WDR3: variants seen among roughly 807,000 people sequenced by gnomAD.
WDR3 encodes the protein WD repeat domain 3.
A neutral mutation model predicts 123.7 loss-of-function variants in WDR3; 81 were observed. That is an observed-to-expected ratio of 0.65 (90% CI 0.55 to 0.79). The LOEUF is 0.79. Ranked by LOEUF, WDR3 falls within the 30% of genes least tolerant of loss-of-function variation. The probability of loss-of-function intolerance (pLI) is 0.00; values close to 1 mark genes in which losing one functional copy is unlikely to be tolerated. For synonymous variants in WDR3, 390 were observed against 388.8 expected, an observed-to-expected ratio of 1.00 and a Z score of -0.04; for missense variants, 1,027 against 1,123.2, an observed-to-expected ratio of 0.91 and a Z score of 1.22.
chr1:117,949,964 T>G (rs41276602), intron 14 of WDR3, 31 bp from the exon 15 acceptor site: 34,483 of 1,613,402 alleles, frequency 0.021, 456 homozygotes, highest in Non-Finnish European at 0.026. Context: ...TATACTCATT[T>G]ATTTTTTCTT....
At chr1:117,939,707 TAAA>T in intron 6 of WDR3, 135 bp downstream of exon 6, 2 of 825,338 alleles carry the variant, frequency 2.4e-6, no homozygotes, top group Non-Finnish European at 3.8e-6. Context: ...CTGCAACACT[TAAA>T]AAAGCTTTTC....
At chr1:117,941,919 GCTT>G in intron 9 of WDR3, 72 bp downstream of exon 9, 1 of 1,476,752 alleles carries the variant, frequency 6.8e-7, no homozygotes, top group Non-Finnish European at 8.9e-7. Context: ...AAAAAAACTG[GCTT>G]CTTTCATATT....
At position 117,966,535 on chromosome 1, in the gene WDR3, T is replaced by G. The variant is rs1313561203; in HGVS notation, c.*7088T>G. ...GAATTAATAAAGTAGAGATGCATTT[T>G]GACTTCCATGTTTTCCTCACTCGTG... On this transcript the variant is annotated 3_prime_UTR_variant, in exon 27 of 27. Coordinates refer to ENST00000349139, the MANE Select transcript of WDR3 (RefSeq NM_006784.3). 1.5e-6 allele frequency: 2 copies of G among 1,323,804 alleles called. No homozygotes were observed. Among genetic ancestry groups the G allele is most frequent in the Non-Finnish European group, 2.0e-6 (2 of 991,318 alleles). The allele number at this position is 1,323,804 out of a possible 1,614,324, so 82.0% of individuals were successfully genotyped here. A position where few individuals can be genotyped will look rare whatever the true frequency, so the allele number is the denominator to read the frequency against.
intron 10 of WDR3, 128 bp downstream of exon 10, chr1:117,942,672 T>C (rs1476055876): frequency 1.3e-6 from 1 of 761,854 alleles, no homozygotes; most frequent in Non-Finnish European, 2.1e-6. Flanking sequence ...GAGACATCTG[T>C]GTCACACTCT....
chr1:117,947,346 C>T (rs1159431280), intron 12 of WDR3, among the ~76,000 whole-genome samples: 1 of 152,108 alleles, frequency 6.6e-6, no homozygotes, highest in East Asian at 1.9e-4. Flanking sequence ...AAAACAAAGC[C>T]ATATGTACAT....
Position 117,933,314 on chromosome 1 carries a change from C to G in WDR3, c.-6C>G. The G allele has an allele frequency of 6.2e-7, 1 of 1,613,782 alleles. No individual in the cohort carries two copies. The highest frequency in any genetic ancestry group is 8.5e-7 in the Non-Finnish European group (1 of 1,179,776). ...TTGCTTCACCTGTGGTATCAGACAT[C>G]ACAACATGGGGCTCACCAAGCAGTA... On this transcript the variant is annotated 5_prime_UTR_variant, in exon 2 of 27. In the 5' UTR this introduces an upstream ATG that the reference lacks. Transcript: ENST00000349139.
chr1:117,940,933 C>T lies in WDR3; in HGVS notation c.782C>T (p.Pro261Leu). Residue 261 changes from proline (P) to leucine (L), a missense_variant, in exon 7 of 27, where the codon CCT becomes CTT. Physicochemically the swap from Pro to Leu is moderately conservative, Grantham distance 98 (BLOSUM62 -3). Coordinates refer to ENST00000349139, the MANE Select transcript of WDR3 (RefSeq NM_006784.3). ...GGTGCCTTTGAGACGGATGAAGCCCCTGAGGATGTAATTCATTTTCATTTC... is the reference window on the plus strand; with the variant it reads ...GGTGCCTTTGAGACGGATGAAGCCCTTGAGGATGTAATTCATTTTCATTTC... ...EDGAFETDEA[P>L]EDRILSCRKA... The T allele has an allele frequency of 6.2e-7, 1 of 1,608,568 alleles. No individual in the cohort carries two copies.
At chr1:117,950,268 AT>A in intron 15 of WDR3, 138 bp downstream of exon 15, 2 of 1,071,106 alleles carry the variant, frequency 1.9e-6, no homozygotes, top group Non-Finnish European at 1.3e-6. Flanking sequence ...AATCAAAGCA[AT>A]GTAACTATGC....
chr1:117,951,771 C>T (rs2101220894), intron 16 of WDR3, among the ~76,000 whole-genome samples: 1 of 152,252 alleles, frequency 6.6e-6, no homozygotes, highest in South Asian at 2.1e-4. Context: ...ATTTAAGCCA[C>T]AGAGTTCGTG....
At chr1:117,957,948 A>G (rs1036787981) in intron 25 of WDR3, among the ~76,000 whole-genome samples, 1 of 152,242 alleles carries the variant, frequency 6.6e-6, no homozygotes, top group Admixed American at 6.5e-5. Flanking sequence ...TAAAGCAAAT[A>G]TGTTCATTAG....
chr1:117,959,016 G>T lies in WDR3; in HGVS notation c.2676+13G>T, dbSNP rs773476124. The T allele has an allele frequency of 1.2e-6, 2 of 1,612,102 alleles. No homozygotes were observed. Among genetic ancestry groups the T allele is most frequent in the African/African-American group, 2.7e-5 (2 of 74,974 alleles). On this transcript the variant is annotated intron_variant, in intron 26 of 26. Coordinates refer to ENST00000349139, the MANE Select transcript of WDR3 (RefSeq NM_006784.3). ...CAGCCAAGTCCGGGTAAGTGTCTTT[G>T]TATAGAGATAAAATAATGAGGCAAA...
At chr1:117,952,429 C>A in intron 18 of WDR3, 21 bp downstream of exon 18, 1 of 1,606,610 alleles carries the variant, frequency 6.2e-7, no homozygotes, top group South Asian at 1.1e-5. Context: ...GCCTTCTGTG[C>A]TTGCTTGGTA....
At chr1:117,950,281 A>G in intron 15 of WDR3, 151 bp downstream of exon 15, 3 of 997,428 alleles carry the variant, frequency 3.0e-6, no homozygotes, top group Non-Finnish European at 4.3e-6. Context: ...TAACTATGCT[A>G]GGGAAGCTAG....
At chr1:117,937,831 G>A (rs1052560590) in intron 4 of WDR3, among the ~76,000 whole-genome samples, 2 of 152,088 alleles carry the variant, frequency 1.3e-5, no homozygotes, top group Non-Finnish European at 2.9e-5. Context: ...AGGGGGTTAA[G>A]AACAAATAAA....
chr1:117,940,066 G>T (rs1337337416), intron 6 of WDR3, among the ~76,000 whole-genome samples: 2 of 152,146 alleles, frequency 1.3e-5, no homozygotes, highest in Non-Finnish European at 2.9e-5. Context: ...TAGGCTAGGG[G>T]TTATCTTTTC....
At chr1:117,953,404 G>A in intron 20 of WDR3, 72 bp from the exon 21 acceptor site, 6 of 1,439,820 alleles carry the variant, frequency 4.2e-6, no homozygotes, top group Non-Finnish European at 4.9e-6. Context: ...TCATATGGAT[G>A]TAAGATTAAT....
rs1650958280 is a variant in WDR3, at chr1:117,936,811, CT to C, written c.425del (p.Leu142ArgfsTer4). ...ATGGGATGTGATCAATGAAAGTGGT[CT>C]GTACCGTCTAAAGGGGCACAAGGAT... The part of the protein sequence containing the change: ...IVWDVINESG[L>X]YRLKGHKDAI... On this transcript the variant is annotated frameshift_variant, in exon 4 of 27. Coordinates refer to ENST00000349139, the MANE Select transcript of WDR3 (RefSeq NM_006784.3). LOFTEE classifies it high-confidence loss of function. 6.2e-7 allele frequency: 1 copy of C among 1,613,148 alleles called. No homozygotes were observed. The highest frequency in any genetic ancestry group is 1.3e-5 in the African/African-American group (1 of 74,884).
chr1:117,947,005 C>T (rs1243532299), intron 12 of WDR3, among the ~76,000 whole-genome samples: 3 of 151,560 alleles, frequency 2.0e-5, no homozygotes, highest in African/African-American at 4.8e-5. Flanking sequence ...TAGTGTGTTC[C>T]TTTATATTAT....
In WDR3 at chr1:117,961,471, C is replaced by T. The variant is rs1038373185; in HGVS notation, c.*2024C>T. 2.0e-5 allele frequency: 3 copies of T among 152,106 alleles called. No individual in the cohort carries two copies. The highest frequency in any genetic ancestry group is 6.5e-5 in the Admixed American group (1 of 15,276). 9.4% of individuals were successfully genotyped at this position (152,106 alleles called of 1,614,324 possible). A position where few individuals can be genotyped will look rare whatever the true frequency, so the allele number is the denominator to read the frequency against. On this transcript the variant is annotated 3_prime_UTR_variant, in exon 27 of 27. Coordinates refer to ENST00000349139, the MANE Select transcript of WDR3 (RefSeq NM_006784.3). The stretch of plus-strand genomic sequence containing the variant: ...GAAGTTTATAAATGACTAAATCATA[C>T]TTCTTGTTACAGGCCTGTTTAGATG...
Sources: allele counts gnomAD v4.1 joint callset (sites outside exome capture counted in the v4.1 genomes callset), GRCh38; gene constraint gnomAD v4.1.1; transcripts MANE v1.5; gene names NCBI Gene and HGNC (gene_info 2026-07-23, HGNC 2026-07-21).